The following EHMT1 variants were observed in gnomAD, a reference collection of about 807,000 sequenced individuals.
EHMT1 encodes the protein euchromatic histone lysine methyltransferase 1, also known as histone-lysine N-methyltransferase EHMT1.
A neutral mutation model predicts 147.2 loss-of-function variants in EHMT1; 15 were observed. That is an observed-to-expected ratio of 0.10 (90% CI 0.07 to 0.16). The LOEUF (loss-of-function observed/expected upper bound fraction) is 0.16, where lower values mean the gene tolerates loss of function less well. Ranked by LOEUF, EHMT1 falls within the 10% of genes least tolerant of loss-of-function variation. The probability of loss-of-function intolerance (pLI) is 1.00; values close to 1 mark genes in which losing one functional copy is unlikely to be tolerated. For missense variants in EHMT1, 1,587 were observed against 1,772.4 expected (o/e 0.90, Z 1.88); for synonymous variants, 795 against 709.6 (o/e 1.12, Z -1.91).
At chr9:137,667,265 C>A (rs1475384259) in intron 1 of EHMT1, 1 of 152,214 alleles carries the variant, frequency 6.6e-6, no homozygotes, top group Non-Finnish European at 1.5e-5. Context: ...TTTTTGAACA[C>A]CTGTGATGTA....
In EHMT1 at chr9:137,813,193, G is replaced by A. The variant is rs776936533; in HGVS notation, c.3035+20G>A. On this transcript the variant is annotated intron_variant, in intron 20 of 26. Coordinates refer to ENST00000460843, the MANE Select transcript of EHMT1 (RefSeq NM_024757.5). The surrounding 1 kb of genome is among the most constrained non-coding windows in gnomAD (Gnocchi z 4.9). Reference sequence around the variant, plus strand: ...GAGCAGGTGAGCCCAGCCCCAGGACGGCTTTGTGGCAAATCAGCGGTCAGC... The same window carrying A: ...GAGCAGGTGAGCCCAGCCCCAGGACAGCTTTGTGGCAAATCAGCGGTCAGC... The A allele has an allele frequency of 5.5e-5, 88 of 1,605,124 alleles. No homozygotes were observed. The highest frequency in any genetic ancestry group is 7.3e-5 in the Non-Finnish European group (86 of 1,179,638).
At chr9:137,768,933 C>T (rs937908925) in intron 10 of EHMT1, among the ~76,000 whole-genome samples, 4 of 152,168 alleles carry the variant, frequency 2.6e-5, no homozygotes, top group South Asian at 4.1e-4. Flanking sequence ...GTGATCTGCC[C>T]GCCTCAGCCT....
chr9:137,648,491 C>CAAAAAAA (rs397720797), intron 1 of EHMT1, among the ~76,000 whole-genome samples: 30 of 93,770 alleles, frequency 3.2e-4, no homozygotes, highest in Admixed American at 9.1e-4. Flanking sequence ...TCCTTCTCTC[C>CAAAAAAA]AAAAAAAAAA....
intron 4 of EHMT1, among the ~76,000 whole-genome samples, chr9:137,740,428 G>A (rs1297110941): frequency 6.6e-6 from 1 of 151,524 alleles, no homozygotes; most frequent in South Asian, 2.1e-4. Flanking sequence ...TCCTTCCAAA[G>A]AGGCCCTCGA....
At chr9:137,683,525 C>T (rs900333027) in intron 1 of EHMT1, among the ~76,000 whole-genome samples, 13 of 152,346 alleles carry the variant, frequency 8.5e-5, no homozygotes, top group Non-Finnish European at 1.3e-4. Context: ...TCATTGCAGC[C>T]TCAACCTCCT....
At chr9:137,626,346 C>T (rs1843256044) in intron 1 of EHMT1, among the ~76,000 whole-genome samples, 1 of 151,798 alleles carries the variant, frequency 6.6e-6, no homozygotes, top group Non-Finnish European at 1.5e-5. Flanking sequence ...CACAGCAAGA[C>T]CCTAAAATCT....
At chr9:137,662,714 T>G (rs1402773963) in intron 1 of EHMT1, among the ~76,000 whole-genome samples, 4 of 152,158 alleles carry the variant, frequency 2.6e-5, no homozygotes, top group Admixed American at 2.6e-4. Context: ...TTGGCCCGGC[T>G]GGTCTCGAAC....
chr9:137,647,888 C>T (rs947417456), intron 1 of EHMT1, among the ~76,000 whole-genome samples: 5 of 152,164 alleles, frequency 3.3e-5, no homozygotes, highest in South Asian at 4.1e-4. Flanking sequence ...TGAGCCACCG[C>T]GCCCGGCCGC....
chr9:137,728,539 A>G lies in EHMT1; in HGVS notation c.823+10A>G. On this transcript the variant is annotated intron_variant, in intron 4 of 26. Transcript: ENST00000460843. ...ACAAAATCACAGACAGGTAAAGAGGACCCGGCAACTGTCTCTGCTCTTTGA... is the reference window on the plus strand; with the variant it reads ...ACAAAATCACAGACAGGTAAAGAGGGCCCGGCAACTGTCTCTGCTCTTTGA... 1 of 1,613,958 alleles carries G rather than the reference A, an allele frequency of 6.2e-7. No individual in the cohort carries two copies. The highest frequency in any genetic ancestry group is 2.2e-5 in the East Asian group (1 of 44,872).
chr9:137,757,117 T>A (rs1949434861), intron 8 of EHMT1, among the ~76,000 whole-genome samples: 1 of 152,236 alleles, frequency 6.6e-6, no homozygotes, highest in Non-Finnish European at 1.5e-5. Context: ...GCCCTTGTGA[T>A]TACAAACACC....
chr9:137,641,090 T>G (rs2133810086), intron 1 of EHMT1: 1 of 274,326 alleles, frequency 3.6e-6, no homozygotes, highest in East Asian at 1.1e-4. Flanking sequence ...ATCATCCATA[T>G]TGGGAACCAA....
chr9:137,672,263 C>T (rs370726227), intron 1 of EHMT1, among the ~76,000 whole-genome samples: 201 of 152,224 alleles, frequency 1.3e-3, no homozygotes, highest in African/African-American at 4.4e-3. Flanking sequence ...TTTATGTTAA[C>T]GCGTAGTAGG....
intron 2 of EHMT1, among the ~76,000 whole-genome samples, chr9:137,713,625 T>C (rs1174997443): frequency 6.6e-6 from 1 of 152,016 alleles, no homozygotes; most frequent in African/African-American, 2.4e-5. Flanking sequence ...TAAAAATTCT[T>C]TTTCATTTTG....
At chr9:137,803,979 A>T (rs1953719064) in intron 18 of EHMT1, among the ~76,000 whole-genome samples, 1 of 152,038 alleles carries the variant, frequency 6.6e-6, no homozygotes, top group South Asian at 2.1e-4. Context: ...GGTTTAATTG[A>T]CTCACCCTTC....
chr9:137,754,253 G>A lies in EHMT1; in HGVS notation c.1331G>A (p.Arg444Lys). The part of the protein sequence containing the change: ...DSPWIKPARK[R>K]RRRSRKKPSG... Reference sequence around the variant, plus strand: ...CCCTGGATCAAGCCAGCCAGGAAAAGGAGGCGGAGAAGTAGAAAGAAGCCC... The same window carrying A: ...CCCTGGATCAAGCCAGCCAGGAAAAAGAGGCGGAGAAGTAGAAAGAAGCCC... The change falls in exon 8 of 27, where the codon AGG becomes AAG. Residue 444 changes from arginine to lysine, a missense_variant. By Grantham distance (26) the Arg-to-Lys change is conservative. Around this residue, in one of 7 missense-constraint regions of EHMT1, gnomAD observed 810 missense variants for 673.0 expected, o/e 1.20. Transcript: ENST00000460843. 1 of 1,614,166 alleles carries A rather than the reference G, an allele frequency of 6.2e-7. No individual in the cohort carries two copies. Among genetic ancestry groups the A allele is most frequent in the South Asian group, 1.1e-5 (1 of 91,084 alleles).
chr9:137,678,298 T>C (rs1225513318), intron 1 of EHMT1, among the ~76,000 whole-genome samples: 6 of 152,158 alleles, frequency 3.9e-5, no homozygotes, highest in Admixed American at 3.9e-4. Flanking sequence ...GCTGTGGAAG[T>C]GGCACCTCCA....
intron 16 of EHMT1, among the ~76,000 whole-genome samples, chr9:137,793,507 G>T (rs1952679630): frequency 6.6e-6 from 1 of 152,238 alleles, no homozygotes; most frequent in Admixed American, 6.5e-5. Flanking sequence ...CTAAGCATAG[G>T]ATTACGCTGT....
rs1949197521 is a variant in EHMT1 at position 137,754,112 on chromosome 9, T to C, written c.1249-59T>C. The stretch of plus-strand genomic sequence containing the variant: ...TTGCAAGAAAACACTTGTAGTGCTC[T>C]TGCCTTCCGTAGCTTCCTGTGCTTA... On this transcript the variant is annotated intron_variant, in intron 7 of 26. Coordinates refer to ENST00000460843, the MANE Select transcript of EHMT1 (RefSeq NM_024757.5). The C allele has an allele frequency of 4.3e-6, 7 of 1,612,836 alleles. No homozygotes were observed. In the South Asian group the frequency reaches 4.4e-5, roughly 10 times the overall value.
chr9:137,767,749 A>G (rs1479644849), intron 10 of EHMT1, among the ~76,000 whole-genome samples: 1 of 152,034 alleles, frequency 6.6e-6, no homozygotes, highest in Non-Finnish European at 1.5e-5. Flanking sequence ...GGAGGTGGAG[A>G]TTGCAGCGTG....
Sources: allele counts gnomAD v4.1 joint callset (sites outside exome capture counted in the v4.1 genomes callset), GRCh38; gene constraint gnomAD v4.1.1; regional missense constraint gnomAD v4.1.1; non-coding constraint Gnocchi (gnomAD v3.1); transcripts MANE v1.5; gene names NCBI Gene and HGNC (gene_info 2026-07-23, HGNC 2026-07-21).